The following TMEM92 variants were observed in gnomAD, a reference collection of about 807,000 sequenced individuals.
TMEM92 encodes the protein transmembrane protein 92.
In TMEM92, 15 loss-of-function variants were observed where a neutral mutation model predicts 14.6. That is an observed-to-expected ratio of 1.03 (90% confidence interval 0.69 to 1.58). The LOEUF (loss-of-function observed/expected upper bound fraction) is 1.58, where lower values mean the gene tolerates loss of function less well. TMEM92 is among the 40% of genes most tolerant of loss of function. The probability of loss-of-function intolerance (pLI) is 0.00; values close to 1 mark genes in which losing one functional copy is unlikely to be tolerated. For synonymous variants in TMEM92, 85 were observed against 83.3 expected, an observed-to-expected ratio of 1.02 and a Z score of -0.11; for missense variants, 174 against 202.4, an observed-to-expected ratio of 0.86 and a Z score of 0.85.
At chr17:50,279,155 G>T (rs767594771) in intron 4 of TMEM92, 40 bp from the exon 5 acceptor site, 14 of 1,598,326 alleles carry the variant, frequency 8.8e-6, no homozygotes, top group East Asian at 2.2e-5. Flanking sequence ...GGTGGCCAGG[G>T]CCAGGGCCCA....
chr17:50,277,671 C>A, intron 1 of TMEM92, 44 bp from the exon 2 acceptor site: 1 of 1,613,364 alleles, frequency 6.2e-7, no homozygotes, highest in South Asian at 1.1e-5. Context: ...CCCCACTATC[C>A]CCAGTTTATG....
At chr17:50,275,549 T>G (rs1405670008) in intron 1 of TMEM92, among the ~76,000 whole-genome samples, 2 of 152,030 alleles carry the variant, frequency 1.3e-5, no homozygotes, top group African/African-American at 4.8e-5. Flanking sequence ...ATTTACTTAC[T>G]CCCAGCCCAA....
intron 2 of TMEM92, 95 bp from the exon 3 acceptor site, chr17:50,278,461 C>A: frequency 7.1e-7 from 1 of 1,413,524 alleles, no homozygotes; most frequent in Non-Finnish European, 9.9e-7. Context: ...GTGCCATGAG[C>A]ATCTTGGGTG....
At chr17:50,279,168 A>G in intron 4 of TMEM92, 27 bp from the exon 5 acceptor site, 1 of 1,606,678 alleles carries the variant, frequency 6.2e-7, no homozygotes, top group Non-Finnish European at 8.5e-7. Flanking sequence ...AGGGCCCAGA[A>G]GACTGAATTC....
rs370049264 is a variant in TMEM92 at position 50,275,821 on chromosome 17, C to T, written c.69+1251C>T. On this transcript the variant is annotated intron_variant, in intron 1 of 4. Transcript: ENST00000507382. Reference sequence around the variant, plus strand: ...ACCCCTCGATTTGTCTCCAAGTTCCCTCTCTGTATATATATATTTTTAATT... The same window carrying T: ...ACCCCTCGATTTGTCTCCAAGTTCCTTCTCTGTATATATATATTTTTAATT... Among the ~76,000 whole-genome samples, 7 of 152,014 alleles carry T rather than the reference C, an allele frequency of 4.6e-5. No homozygotes were observed. In the East Asian group the frequency reaches 1.2e-3, roughly 25 times the overall value.
intron 2 of TMEM92, among the ~76,000 whole-genome samples, chr17:50,278,335 G>T (rs1462650220): frequency 6.6e-6 from 1 of 152,134 alleles, no homozygotes; most frequent in Non-Finnish European, 1.5e-5. Context: ...TACAGATGAG[G>T]GGCGTGGGGC....
rs948666873 is a variant in TMEM92 at position 50,279,606 on chromosome 17, T to A, written c.*298T>A. The A allele has an allele frequency of 2.8e-6, 1 of 351,814 alleles. No homozygotes were observed. Among genetic ancestry groups the A allele is most frequent in the Admixed American group, 4.8e-5 (1 of 20,978 alleles). The allele number at this position is 351,814 out of a possible 1,614,324, so 21.8% of individuals were successfully genotyped here. ...CAGTAGAATGGGCTACTGTGAGGGG[T>A]AGTAAGAGCCCCATTTCTGGAGGTA... On this transcript the variant is annotated 3_prime_UTR_variant, in exon 5 of 5. Coordinates refer to ENST00000507382, the MANE Select transcript of TMEM92 (RefSeq NM_153229.3).
intron 2 of TMEM92, 147 bp from the exon 3 acceptor site, chr17:50,278,409 C>T: frequency 1.2e-6 from 1 of 810,298 alleles, no homozygotes; most frequent in Non-Finnish European, 2.0e-6. Flanking sequence ...CTACTGAGCT[C>T]AGAGCGGGGG....
chr17:50,276,436 A>G (rs1303451532), intron 1 of TMEM92, among the ~76,000 whole-genome samples: 1 of 152,226 alleles, frequency 6.6e-6, no homozygotes, highest in African/African-American at 2.4e-5. Context: ...TGAGCGTGGA[A>G]AAGGGGAATT....
rs1001848321 is a variant in TMEM92 at position 50,274,466 on chromosome 17, C to G, written c.-36C>G. ...GTGGGAGAGGTCGCAGCCCCGCCTT[C>G]TCTACACAGGAAAGCTCAGTGGCCC... On this transcript the variant is annotated 5_prime_UTR_variant, in exon 1 of 5. Coordinates refer to ENST00000507382, the MANE Select transcript of TMEM92 (RefSeq NM_153229.3). 1 of 1,612,272 alleles carries G rather than the reference C, an allele frequency of 6.2e-7. No individual in the cohort carries two copies. The highest frequency in any genetic ancestry group is 8.5e-7 in the Non-Finnish European group (1 of 1,178,722).
chr17:50,278,209 A>T (rs1293802693), intron 2 of TMEM92, among the ~76,000 whole-genome samples: 1 of 151,948 alleles, frequency 6.6e-6, no homozygotes, highest in Non-Finnish European at 1.5e-5. Context: ...TGGACATGCC[A>T]CGTGGCCTCT....
At position 50,278,834 on chromosome 17, in the gene TMEM92, C is replaced by G; in HGVS notation, c.204C>G (p.Ser68=). Residue 68 remains serine, a synonymous_variant, in exon 4 of 5, where the codon TCC becomes TCG. Coordinates refer to ENST00000507382, the MANE Select transcript of TMEM92 (RefSeq NM_153229.3). ...TCATCATCTTCCTGGTCATCCTGTC[C>G]GTCTTTTGCATCTGTGGCCTGGCTA... The part of the protein sequence containing the change: ...IFVIIFLVIL[S]VFCICGLAKC... 6.2e-7 allele frequency: 1 copy of G among 1,613,258 alleles called. No homozygotes were observed. Among genetic ancestry groups the G allele is most frequent in the South Asian group, 1.1e-5 (1 of 91,052 alleles).
At chr17:50,274,770 A>AG in intron 1 of TMEM92, 200 bp downstream of exon 1, 3 of 585,536 alleles carry the variant, frequency 5.1e-6, no homozygotes, top group Non-Finnish European at 9.0e-6. Flanking sequence ...GGGTTCTCCC[A>AG]CCTCTGAGGG....
chr17:50,276,887 C>T (rs1440041000), intron 1 of TMEM92, among the ~76,000 whole-genome samples: 1 of 152,184 alleles, frequency 6.6e-6, no homozygotes, highest in Non-Finnish European at 1.5e-5. Flanking sequence ...AAAAGTTAAG[C>T]ACACTAAGGG....
intron 1 of TMEM92, 141 bp downstream of exon 1, chr17:50,274,711 T>C (rs1210324019): frequency 3.8e-6 from 3 of 792,946 alleles, no homozygotes; most frequent in East Asian, 2.9e-5. Context: ...TTTCTCTCTT[T>C]GCTGTGGAGG....
chr17:50,276,955 C>T (rs921336566), intron 1 of TMEM92, among the ~76,000 whole-genome samples: 2 of 152,158 alleles, frequency 1.3e-5, no homozygotes, highest in East Asian at 1.9e-4. Context: ...TGGAGCCAGC[C>T]TTGCAGCCAC....
In TMEM92 at chr17:50,279,005, C is replaced by G. The variant is rs1477524319; in HGVS notation, c.366+9C>G. 6.4e-7 allele frequency: 1 copy of G among 1,562,312 alleles called. No individual in the cohort carries two copies. The highest frequency in any genetic ancestry group is 2.2e-5 in the East Asian group (1 of 44,538). On this transcript the variant is annotated intron_variant, in intron 4 of 4. Transcript: ENST00000507382. Reference sequence around the variant, plus strand: ...CACCCCCCTACAGTGAGGTGGGTGTCTCATCCCCATCCCCACCTTGCCTCT... The same window carrying G: ...CACCCCCCTACAGTGAGGTGGGTGTGTCATCCCCATCCCCACCTTGCCTCT...
chr17:50,277,599 T>A (rs1279350663), intron 1 of TMEM92, 116 bp from the exon 2 acceptor site: 3 of 1,233,978 alleles, frequency 2.4e-6, no homozygotes, highest in Non-Finnish European at 3.6e-6. Flanking sequence ...AGGAAGAGGC[T>A]GAGTCTACTG....
At chr17:50,277,572 G>A (rs541102866) in intron 1 of TMEM92, 143 bp from the exon 2 acceptor site, 3 of 904,732 alleles carry the variant, frequency 3.3e-6, no homozygotes, top group Middle Eastern at 2.4e-4. Flanking sequence ...GGTGGAGTGA[G>A]GTGGGGGGTG....
Sources: allele counts gnomAD v4.1 joint callset (sites outside exome capture counted in the v4.1 genomes callset), GRCh38; gene constraint gnomAD v4.1.1; transcripts MANE v1.5; gene names NCBI Gene and HGNC (gene_info 2026-07-23, HGNC 2026-07-21).